RPH3AL: variants seen among roughly 807,000 people sequenced by gnomAD.
The protein encoded by RPH3AL is rabphilin 3A like (without C2 domains), also known as rab effector Noc2.
RPH3AL carries 38 observed loss-of-function variants against 43.1 expected under a neutral mutation model. The ratio of observed to expected loss-of-function variants is 0.88; its 90% CI spans 0.68 to 1.15. The LOEUF (loss-of-function observed/expected upper bound fraction) is 1.15. Among genes scored for constraint, RPH3AL ranks in the 50% most tolerant of loss-of-function variants. RPH3AL has a pLI of 0.00. For synonymous variants in RPH3AL, 189 were observed against 176.3 expected (o/e 1.07, Z -0.57); for missense variants, 462 against 423.2 (o/e 1.09, Z -0.81).
intron 7 of RPH3AL, among the ~76,000 whole-genome samples, chr17:222,560 TCAA>T (rs2151504049): frequency 6.6e-6 from 1 of 152,338 alleles, no homozygotes; most frequent in Admixed American, 6.5e-5. Flanking sequence ...GGCTGGGTAA[TCAA>T]CAGTGAGAGT....
chr17:266,127 C>G (rs2042313743), intron 6 of RPH3AL, among the ~76,000 whole-genome samples: 2 of 152,184 alleles, frequency 1.3e-5, no homozygotes, highest in African/African-American at 2.4e-5. Context: ...GAGGTGTGAG[C>G]TCAAAGCGAA....
chr17:296,975 G>C (rs528513507), intron 5 of RPH3AL, among the ~76,000 whole-genome samples: 4 of 152,186 alleles, frequency 2.6e-5, no homozygotes, highest in South Asian at 4.1e-4. Flanking sequence ...AGGACAAACC[G>C]TAACACCGAT....
intron 5 of RPH3AL, among the ~76,000 whole-genome samples, chr17:309,720 G>A (rs2043596948): frequency 7.1e-6 from 1 of 140,466 alleles, no homozygotes; most frequent in Non-Finnish European, 1.5e-5. Flanking sequence ...CTCCTGCTGG[G>A]GGTCCAGGAT....
At chr17:241,332 G>A (rs2041528731) in intron 7 of RPH3AL, among the ~76,000 whole-genome samples, 1 of 152,124 alleles carries the variant, frequency 6.6e-6, no homozygotes, top group Non-Finnish European at 1.5e-5. Context: ...GGAGGTCAAG[G>A]CTGCAGCGAG....
At position 219,618 on chromosome 17, in the gene RPH3AL, C is replaced by T; in HGVS notation, c.727+5G>A. 1 of 1,571,218 alleles carries T rather than the reference C, an allele frequency of 6.4e-7. No homozygotes were observed. On this transcript the variant is annotated splice_donor_5th_base_variant and intron_variant, in intron 8 of 9. Coordinates refer to ENST00000331302, the MANE Select transcript of RPH3AL (RefSeq NM_006987.4). Reference sequence around the variant, plus strand: ...CAATAAGCAGCATTTCACTCCCCACCTTACCTGACTCCTTCCAGGGTTTGT... The same window carrying T: ...CAATAAGCAGCATTTCACTCCCCACTTTACCTGACTCCTTCCAGGGTTTGT...
chr17:343,758 G>T (rs1356970366), intron 1 of RPH3AL, among the ~76,000 whole-genome samples: 1 of 152,140 alleles, frequency 6.6e-6, no homozygotes, highest in Non-Finnish European at 1.5e-5. Flanking sequence ...CAGGAATGCT[G>T]CTAAACATCC....
intron 7 of RPH3AL, among the ~76,000 whole-genome samples, chr17:241,980 G>A (rs2041549744): frequency 6.6e-6 from 1 of 151,974 alleles, no homozygotes; most frequent in South Asian, 2.1e-4. Context: ...AGCCAGGTTT[G>A]GTGGTATATG....
At chr17:272,980 AGGGCTACGTCAGGGT>A (rs2042526966) in intron 6 of RPH3AL, among the ~76,000 whole-genome samples, 11 of 102,822 alleles carry the variant, frequency 1.1e-4, no homozygotes, top group Admixed American at 7.9e-4. Context: ...GACCCCAGCA[AGGGCTACGTCAGGGT>A]GAGACCCCAG....
At position 246,619 on chromosome 17, in the gene RPH3AL, A is replaced by G. The variant is rs1464791662; in HGVS notation, c.613+492T>C. The stretch of plus-strand genomic sequence containing the variant: ...AGTGGGGCGGCCACCTGAGACACAC[A>G]CACCTTACTGTAGCCACCAGAACGC... On this transcript the variant is annotated intron_variant, in intron 7 of 9. Transcript: ENST00000331302. This position sits in a 1 kb window ranked among gnomAD's most constrained non-coding sequence, Gnocchi z 4.8. Among the ~76,000 whole-genome samples, 4 of 152,152 alleles carry G rather than the reference A, an allele frequency of 2.6e-5. No individual in the cohort carries two copies. The highest frequency in any genetic ancestry group is 5.9e-5 in the Non-Finnish European group (4 of 68,014).
Position 332,970 on chromosome 17 carries a change from T to C in RPH3AL, c.-37+789A>G. The C allele has an allele frequency of 2.4e-6, 3 of 1,263,434 alleles. No individual in the cohort carries two copies. In the South Asian group the frequency reaches 3.8e-5, roughly 16 times the overall value. 78.3% of individuals were successfully genotyped at this position (1,263,434 alleles called of 1,614,324 possible). On this transcript the variant is annotated intron_variant, in intron 2 of 9. Coordinates refer to ENST00000331302, the MANE Select transcript of RPH3AL (RefSeq NM_006987.4). ...CGGAACAGGAGTTGCCGGTGATAAT[T>C]TCCCGAAAAATTCCTAGGGGACAGA...
At chr17:256,339 T>G (rs1597950924) in intron 6 of RPH3AL, among the ~76,000 whole-genome samples, 1 of 8,778 alleles carries the variant, frequency 1.1e-4, no homozygotes. Context: ...CGTCTGTCCT[T>G]TTCCATCCCT....
intron 2 of RPH3AL, chr17:331,484 C>T (rs1012909055): frequency 3.6e-5 from 39 of 1,076,264 alleles, no homozygotes; most frequent in Non-Finnish European, 4.5e-5. Flanking sequence ...CGGCTGTGCA[C>T]CCCCACCCTG....
At chr17:229,432 G>T (rs1007036607) in intron 7 of RPH3AL, among the ~76,000 whole-genome samples, 67 of 152,222 alleles carry the variant, frequency 4.4e-4, no homozygotes, top group Non-Finnish European at 8.1e-4. Flanking sequence ...GGCCAGCTGG[G>T]GTCAGCAAGG....
chr17:274,313 C>T lies in RPH3AL; in HGVS notation c.438+7455G>A, dbSNP rs889623323. ...CGGGAGACGGGAGGCGTGCCATGGACCACCTGGGCCTCGCCTGCCCACCTG... is the reference window on the plus strand; with the variant it reads ...CGGGAGACGGGAGGCGTGCCATGGATCACCTGGGCCTCGCCTGCCCACCTG... On this transcript the variant is annotated intron_variant, in intron 6 of 9. Coordinates refer to ENST00000331302, the MANE Select transcript of RPH3AL (RefSeq NM_006987.4). This position sits in a 1 kb window ranked among gnomAD's most constrained non-coding sequence, Gnocchi z 4.7. 1.3e-5 allele frequency among the ~76,000 whole-genome samples: 2 copies of T among 152,152 alleles called. No individual in the cohort carries two copies. The highest frequency in any genetic ancestry group is 2.9e-5 in the Non-Finnish European group (2 of 68,028).
chr17:262,508 C>G (rs1555546658), intron 6 of RPH3AL, among the ~76,000 whole-genome samples: 1 of 152,104 alleles, frequency 6.6e-6, no homozygotes, highest in Non-Finnish European at 1.5e-5. Context: ...GCCACCGCAC[C>G]CGGCCAACAA....
intron 7 of RPH3AL, among the ~76,000 whole-genome samples, chr17:243,650 C>CCTTCCTCTATTGACTA (rs1555538241): frequency 4.5e-5 from 3 of 67,050 alleles, no homozygotes; most frequent in Non-Finnish European, 8.8e-5. Context: ...CTATTGATTA[C>CCTTCCTCTATTGACTA]CCTTCCTCTA....
chr17:294,090 C>A (rs2043112051), intron 5 of RPH3AL, among the ~76,000 whole-genome samples: 1 of 152,100 alleles, frequency 6.6e-6, no homozygotes, highest in Admixed American at 6.6e-5. Context: ...GGGGAAAGCA[C>A]AGGACGTGGG....
At chr17:261,462 T>G (rs1309988744) in intron 6 of RPH3AL, among the ~76,000 whole-genome samples, 7 of 152,202 alleles carry the variant, frequency 4.6e-5, no homozygotes, top group Non-Finnish European at 8.8e-5. Flanking sequence ...GCCAGCCCCT[T>G]GATCTTGGAC....
intron 7 of RPH3AL, among the ~76,000 whole-genome samples, chr17:224,012 G>C (rs906365509): frequency 1.3e-5 from 2 of 152,216 alleles, no homozygotes; most frequent in Non-Finnish European, 2.9e-5. Flanking sequence ...ATGAAGGTCA[G>C]GGGACTCGTG....
Sources: gnomAD v4.1 joint callset for allele counts (sites outside exome capture counted in the v4.1 genomes callset) on GRCh38, gnomAD v4.1.1 for gene constraint, Gnocchi (gnomAD v3.1) non-coding constraint, MANE v1.5 for transcripts, NCBI Gene and HGNC (gene_info 2026-07-23, HGNC 2026-07-21) for gene names.